The following ASTN2 variants were observed in gnomAD, a reference collection of about 807,000 sequenced individuals.
ASTN2 encodes astrotactin 2, also known as astrotactin-2.
ASTN2 carries 54 observed loss-of-function variants against 139.8 expected under a neutral mutation model. That is an observed-to-expected ratio of 0.39 (90% CI 0.31 to 0.48). The LOEUF is 0.48. ASTN2 is among the 20% of genes least tolerant of loss of function. The pLI, the probability that ASTN2 is intolerant of heterozygous loss-of-function variation, is 0.95. For missense variants in ASTN2, 1,565 were observed against 1,725.1 expected (o/e 0.91, Z 1.64); for synonymous variants, 756 against 719.5 (o/e 1.05, Z -0.81).
chr9:116,859,323 T>C (rs1832819211), intron 11 of ASTN2, among the ~76,000 whole-genome samples: 1 of 152,206 alleles, frequency 6.6e-6, no homozygotes, highest in South Asian at 2.1e-4. Context: ...ACACATCTTA[T>C]GGCCATCCTC....
chr9:117,376,244 G>A (rs1350287910), intron 1 of ASTN2, among the ~76,000 whole-genome samples: 4 of 152,152 alleles, frequency 2.6e-5, no homozygotes, highest in Non-Finnish European at 5.9e-5. Flanking sequence ...AAGACACTGA[G>A]GTTCATAGAG....
intron 1 of ASTN2, among the ~76,000 whole-genome samples, chr9:117,362,026 G>C (rs566292279): frequency 7.9e-5 from 12 of 152,154 alleles, no homozygotes; most frequent in Non-Finnish European, 1.8e-4. Context: ...CAAGGCTGGA[G>C]TGCAGTAGCG....
At chr9:116,433,456 C>T (rs1191900265) in intron 22 of ASTN2, among the ~76,000 whole-genome samples, 1 of 152,158 alleles carries the variant, frequency 6.6e-6, no homozygotes, top group African/African-American at 2.4e-5. Flanking sequence ...TACAGAAATA[C>T]ATGTGTACAC....
chr9:116,989,732 C>T (rs897485969), intron 7 of ASTN2, among the ~76,000 whole-genome samples: 12 of 151,796 alleles, frequency 7.9e-5, no homozygotes, highest in African/African-American at 2.2e-4. Context: ...TACAGGCACC[C>T]GCCACCAGGC....
At chr9:116,455,922 G>C (rs186286199) in intron 20 of ASTN2, among the ~76,000 whole-genome samples, 8 of 151,628 alleles carry the variant, frequency 5.3e-5, no homozygotes, top group Non-Finnish European at 1.2e-4. Flanking sequence ...TACCAAATGG[G>C]GAAAAACAAA....
intron 6 of ASTN2, among the ~76,000 whole-genome samples, chr9:117,029,746 T>C (rs983624671): frequency 1.3e-5 from 2 of 150,900 alleles, no homozygotes; most frequent in African/African-American, 2.4e-5. Context: ...AATAAAAGAG[T>C]GGTGTTATTA....
At chr9:116,989,178 T>A (rs980005453) in intron 7 of ASTN2, among the ~76,000 whole-genome samples, 7 of 152,226 alleles carry the variant, frequency 4.6e-5, no homozygotes, top group Admixed American at 2.6e-4. Flanking sequence ...AATTTAAAAT[T>A]AAATTCCATT....
chr9:116,546,529 G>A (rs1852100082), intron 19 of ASTN2: 1 of 152,160 alleles, frequency 6.6e-6, no homozygotes, highest in South Asian at 2.1e-4. Context: ...AGATAGGCAT[G>A]GGTCTGAATT....
intron 6 of ASTN2, among the ~76,000 whole-genome samples, chr9:117,038,920 G>C (rs1427418153): frequency 6.6e-6 from 1 of 152,170 alleles, no homozygotes; most frequent in South Asian, 2.1e-4. Flanking sequence ...TGGGTGAAAA[G>C]TAAATGCTAG....
Position 116,699,666 on chromosome 9 carries a change from A to T in ASTN2, c.2806+26105T>A. ...GGACTGTTGGGATCATTGCATCAAG[A>T]TCTACAGCTACCATCTGAGAAGATA... On this transcript the variant is annotated intron_variant, in intron 16 of 22. Transcript: ENST00000313400. The surrounding 1 kb of genome is among the most constrained non-coding windows in gnomAD (Gnocchi z 4.2). 6.2e-7 allele frequency: 1 copy of T among 1,614,110 alleles called. No homozygotes were observed. The highest frequency in any genetic ancestry group is 8.5e-7 in the Non-Finnish European group (1 of 1,180,018).
intron 22 of ASTN2, among the ~76,000 whole-genome samples, chr9:116,440,287 G>A (rs1371935605): frequency 6.6e-6 from 1 of 152,110 alleles, no homozygotes; most frequent in African/African-American, 2.4e-5. Context: ...TCCCCTCTGT[G>A]ATCTTGGTTA....
At chr9:117,241,699 C>T (rs1447331344) in intron 2 of ASTN2, among the ~76,000 whole-genome samples, 2 of 152,160 alleles carry the variant, frequency 1.3e-5, no homozygotes, top group African/African-American at 2.4e-5. Flanking sequence ...CATGTGGTTC[C>T]TAACAGGCCA....
chr9:117,056,037 C>T (rs921813017), intron 5 of ASTN2, among the ~76,000 whole-genome samples: 6 of 152,266 alleles, frequency 3.9e-5, no homozygotes, highest in Middle Eastern at 3.4e-3. Context: ...CTCTGGCTCA[C>T]GGCTCTCAAG....
At chr9:116,493,156 A>C (rs969984542) in intron 19 of ASTN2, among the ~76,000 whole-genome samples, 5 of 152,138 alleles carry the variant, frequency 3.3e-5, no homozygotes, top group African/African-American at 1.2e-4. Context: ...TCAGGGGCAG[A>C]ATCCAGAATC....
At chr9:117,030,480 G>T (rs1316645050) in intron 6 of ASTN2, among the ~76,000 whole-genome samples, 6 of 152,134 alleles carry the variant, frequency 3.9e-5, no homozygotes, top group Non-Finnish European at 5.9e-5. Flanking sequence ...TATCTCTTTT[G>T]TTATGAAGGA....
chr9:117,163,755 G>T (rs1253574280), intron 3 of ASTN2, among the ~76,000 whole-genome samples: 2 of 151,942 alleles, frequency 1.3e-5, no homozygotes, highest in Non-Finnish European at 2.9e-5. Context: ...CACTTGGATT[G>T]ACCATTAATA....
intron 2 of ASTN2, among the ~76,000 whole-genome samples, chr9:117,236,210 T>C (rs1833040521): frequency 6.6e-6 from 1 of 152,216 alleles, no homozygotes; most frequent in Admixed American, 6.5e-5. Flanking sequence ...CACTCAATAC[T>C]GCCTTCCATC....
intron 1 of ASTN2, among the ~76,000 whole-genome samples, chr9:117,399,552 C>A (rs1450184734): frequency 6.6e-6 from 1 of 152,136 alleles, no homozygotes; most frequent in Non-Finnish European, 1.5e-5. Context: ...TGCAGGCTAT[C>A]TTCCATTTAC....
At chr9:117,194,617 T>A (rs1399062526) in intron 3 of ASTN2, among the ~76,000 whole-genome samples, 2 of 152,220 alleles carry the variant, frequency 1.3e-5, no homozygotes, top group East Asian at 3.9e-4. Context: ...TAAACATAGC[T>A]CTAAGAGACT....
Sources: allele counts gnomAD v4.1 joint callset (sites outside exome capture counted in the v4.1 genomes callset), GRCh38; gene constraint gnomAD v4.1.1; non-coding constraint Gnocchi (gnomAD v3.1); transcripts MANE v1.5; gene names NCBI Gene and HGNC (gene_info 2026-07-23, HGNC 2026-07-21).